NRXN1: variants seen among roughly 807,000 people sequenced by gnomAD.
The protein encoded by NRXN1 is neurexin 1, also known as neurexin-1.
A neutral mutation model predicts 150.9 loss-of-function variants in NRXN1; 39 were observed. The ratio of observed to expected loss-of-function variants is 0.26; its 90% CI spans 0.20 to 0.34. The LOEUF is 0.34. NRXN1 is among the 10% of genes least tolerant of loss of function. NRXN1 has a pLI of 1.00. For missense variants in NRXN1, 1,815 were observed against 1,949.9 expected (o/e 0.93, Z 1.30); for synonymous variants, 924 against 757.0 (o/e 1.22, Z -3.62).
chr2:50,497,461 G>A lies in NRXN1; in HGVS notation c.2751C>T (p.Ala917=). 1.2e-6 allele frequency: 2 copies of A among 1,613,870 alleles called. No individual in the cohort carries two copies. The highest frequency in any genetic ancestry group is 1.7e-4 in the Middle Eastern group (1 of 6,060). ...VTFKTKSSYV[A]LATLQAYTSM... Reference sequence around the variant, plus strand: ...AAGTGTAGGCTTGCAAGGTAGCTAAGGCAACATAGCTCGATTTGGTCTTGA... The same window carrying A: ...AAGTGTAGGCTTGCAAGGTAGCTAAAGCAACATAGCTCGATTTGGTCTTGA... The change falls in exon 14 of 23, where the codon GCC becomes GCT. Residue 917 remains alanine (A), a synonymous_variant. Transcript: ENST00000401669.
chr2:50,097,669 C>G (rs1279259298), intron 18 of NRXN1, among the ~76,000 whole-genome samples: 1 of 149,742 alleles, frequency 6.7e-6, no homozygotes, highest in Admixed American at 6.6e-5. Context: ...GATGGAGTTT[C>G]ACTCTTATTG....
intron 8 of NRXN1, among the ~76,000 whole-genome samples, chr2:50,616,671 C>G (rs753032179): frequency 2.6e-5 from 4 of 152,138 alleles, no homozygotes; most frequent in Non-Finnish European, 4.4e-5. Flanking sequence ...TTCTCTAGGT[C>G]TGTTTCCCCA....
intron 17 of NRXN1, among the ~76,000 whole-genome samples, chr2:50,444,473 T>C (rs2086229398): frequency 6.6e-6 from 1 of 152,138 alleles, no homozygotes; most frequent in African/African-American, 2.4e-5. Context: ...GTCCTGCAGA[T>C]GAGTCATAGG....
chr2:50,053,710 A>C (rs1216087132), intron 20 of NRXN1, 120 bp from the exon 21 acceptor site: 2 of 971,814 alleles, frequency 2.1e-6, no homozygotes, highest in African/African-American at 3.2e-5. Flanking sequence ...TAAGAGAGGC[A>C]TTTGACTCAT....
chr2:49,998,786 G>A (rs1014620998), intron 21 of NRXN1, among the ~76,000 whole-genome samples: 4 of 152,018 alleles, frequency 2.6e-5, no homozygotes, highest in Admixed American at 6.5e-5. Context: ...TTGCCTACAC[G>A]AAGTAGTGTA....
chr2:50,213,363 T>C (rs1351124868), intron 18 of NRXN1, among the ~76,000 whole-genome samples: 2 of 151,924 alleles, frequency 1.3e-5, no homozygotes, highest in Non-Finnish European at 2.9e-5. Flanking sequence ...AAAAGCTATG[T>C]GACTAAGGAT....
intron 18 of NRXN1, among the ~76,000 whole-genome samples, chr2:50,097,768 T>C (rs922119556): frequency 1.1e-4 from 16 of 152,154 alleles, no homozygotes; most frequent in African/African-American, 3.6e-4. Context: ...GCCTCCGAAG[T>C]AGCTGGGATT....
intron 2 of NRXN1, among the ~76,000 whole-genome samples, chr2:50,992,419 G>A (rs571747922): frequency 6.6e-6 from 1 of 151,978 alleles, no homozygotes; most frequent in Non-Finnish European, 1.5e-5. Flanking sequence ...ACTTTGAAAG[G>A]CTAACACCCT....
intron 8 of NRXN1, among the ~76,000 whole-genome samples, chr2:50,570,257 T>C (rs1407862824): frequency 6.8e-6 from 1 of 147,690 alleles, no homozygotes; most frequent in Non-Finnish European, 1.5e-5. Context: ...AGCAGAGTAC[T>C]GGGGGCGGGG....
chr2:50,621,141 G>C, intron 7 of NRXN1, 85 bp downstream of exon 7: 1 of 1,258,520 alleles, frequency 7.9e-7, no homozygotes, highest in East Asian at 2.6e-5. Flanking sequence ...GATGTCTACA[G>C]TTAAAAGAAA....
At chr2:50,349,576 T>TA (rs1390252093) in intron 17 of NRXN1, among the ~76,000 whole-genome samples, 1 of 152,230 alleles carries the variant, frequency 6.6e-6, no homozygotes, top group Non-Finnish European at 1.5e-5. Flanking sequence ...TGCCACCATT[T>TA]ACTGGTTACA....
chr2:50,370,063 T>C (rs1448649523), intron 17 of NRXN1, among the ~76,000 whole-genome samples: 2 of 152,106 alleles, frequency 1.3e-5, no homozygotes, highest in Non-Finnish European at 1.5e-5. Flanking sequence ...TCATTGAGAC[T>C]CCATTATCTA....
intron 12 of NRXN1, chr2:50,506,882 A>C (rs2092252035): frequency 5.0e-6 from 2 of 397,160 alleles, no homozygotes; most frequent in African/African-American, 4.0e-5. Flanking sequence ...AGAATCTTTA[A>C]TCCTACGCAT....
At chr2:50,762,875 T>C (rs1369793880) in intron 5 of NRXN1, among the ~76,000 whole-genome samples, 1 of 151,976 alleles carries the variant, frequency 6.6e-6, no homozygotes, top group Non-Finnish European at 1.5e-5. Flanking sequence ...CCCAGTTTTC[T>C]AAGTGTCAGC....
chr2:49,985,179 A>C (rs1315006486), intron 21 of NRXN1, among the ~76,000 whole-genome samples: 1 of 152,202 alleles, frequency 6.6e-6, no homozygotes, highest in Non-Finnish European at 1.5e-5. Flanking sequence ...ATAAGATAAA[A>C]TATAACACCT....
intron 5 of NRXN1, among the ~76,000 whole-genome samples, chr2:50,683,929 GT>G (rs906537110): frequency 2.6e-5 from 4 of 151,888 alleles, no homozygotes; most frequent in East Asian, 2.0e-4. Flanking sequence ...GAAGGCATTA[GT>G]TATATGGAAT....
At chr2:50,360,348 T>G (rs888015997) in intron 17 of NRXN1, among the ~76,000 whole-genome samples, 4 of 152,344 alleles carry the variant, frequency 2.6e-5, no homozygotes, top group South Asian at 2.1e-4. Flanking sequence ...ATCGGTGTGC[T>G]GTATTCAGGA....
intron 18 of NRXN1, among the ~76,000 whole-genome samples, chr2:50,183,174 A>G (rs2060844126): frequency 6.6e-6 from 1 of 152,114 alleles, no homozygotes; most frequent in African/African-American, 2.4e-5. Context: ...AAAGACAGGA[A>G]ATAAAGCTAT....
Position 49,922,209 on chromosome 2 carries a change from G to A in NRXN1, c.4259C>T (p.Ser1420Leu). Residue 1420 changes from serine to leucine, a missense_variant, in exon 23 of 23, where the codon TCA becomes TTA. This residue lies in a region of NRXN1 where 265 missense variants were observed against 307.1 expected (regional missense o/e 0.86). Transcript: ENST00000401669. ...GCTGGACTCCCGGATCACTTCTGCT[G>A]AGCCTGGATACGGCTCTCTGCCGCC... ...RAGGREPYPG[S>L]AEVIRESSST... 2 of 1,614,188 alleles carry A rather than the reference G, an allele frequency of 1.2e-6. No homozygotes were observed. The highest frequency in any genetic ancestry group is 1.7e-6 in the Non-Finnish European group (2 of 1,180,028).
Sources: gnomAD v4.1 joint callset for allele counts (sites outside exome capture counted in the v4.1 genomes callset) on GRCh38, gnomAD v4.1.1 for gene constraint, gnomAD v4.1.1 regional missense constraint, MANE v1.5 for transcripts, NCBI Gene and HGNC (gene_info 2026-07-23, HGNC 2026-07-21) for gene names.